MTREX: variants seen among roughly 807,000 people sequenced by gnomAD.
MTREX encodes Mtr4 exosome RNA helicase.
Under a neutral mutation model 135.4 loss-of-function variants are expected in MTREX, and 76 were observed. That is an observed-to-expected ratio of 0.56 (90% CI 0.47 to 0.68). The LOEUF is 0.68. MTREX is among the 30% of genes least tolerant of loss of function. The probability of loss-of-function intolerance (pLI) is 0.00; values close to 1 mark genes in which losing one functional copy is unlikely to be tolerated. For missense variants in MTREX, 920 were observed against 1,262.1 expected (o/e 0.73, Z 4.11); for synonymous variants, 404 against 401.6 (o/e 1.01, Z -0.07).
At chr5:55,403,952 G>A (rs1396255741) in intron 21 of MTREX, among the ~76,000 whole-genome samples, 3 of 152,108 alleles carry the variant, frequency 2.0e-5, no homozygotes, top group African/African-American at 4.8e-5. Context: ...TCACTCAGTA[G>A]CTCTGTATTC....
In MTREX at chr5:55,425,063, A is replaced by C; in HGVS notation, c.*291A>C. The C allele has an allele frequency of 8.8e-7, 1 of 1,141,496 alleles. No individual in the cohort carries two copies. Among genetic ancestry groups the C allele is most frequent in the Non-Finnish European group, 1.2e-6 (1 of 805,742 alleles). 70.7% of individuals were successfully genotyped at this position (1,141,496 alleles called of 1,614,324 possible). A position where few individuals can be genotyped will look rare whatever the true frequency, so the allele number is the denominator to read the frequency against. ...CTGAGTTAAAGGTAACTATGTACAC[A>C]CAAAGTGTGCATCCAAGAGGCATAG... On this transcript the variant is annotated 3_prime_UTR_variant, in exon 27 of 27. Transcript: ENST00000230640.
rs138013455 is a variant in MTREX, at chr5:55,309,867, T to C, written c.134+1720T>C. Among the ~76,000 whole-genome samples, 808 of 152,276 alleles carry C rather than the reference T, an allele frequency of 5.3e-3. 6 individuals carry two copies. Among genetic ancestry groups the C allele is most frequent in the Non-Finnish European group, 7.9e-3 (540 of 68,014 alleles). The stretch of plus-strand genomic sequence containing the variant: ...AGATTAGAGGGATAAGAGAAAATTC[T>C]ATCAGGAGTGCGAAATGAGTGGAAC... On this transcript the variant is annotated intron_variant, in intron 1 of 26. Coordinates refer to ENST00000230640, the MANE Select transcript of MTREX (RefSeq NM_015360.5).
In MTREX at chr5:55,338,394, T is replaced by C. The variant is rs114004622; in HGVS notation, c.516-1616T>C. Among the ~76,000 whole-genome samples, 962 of 152,266 alleles carry C rather than the reference T, an allele frequency of 6.3e-3. 15 individuals carry two copies. Among genetic ancestry groups the C allele is most frequent in the African/African-American group, 0.021 (856 of 41,564 alleles). ...CAGCCTTAATTATGTTGTTCTCTTA[T>C]GTATTGAGTTTTTCTGTTGTGGTTT... is the stretch of plus-strand genomic sequence containing the variant. On this transcript the variant is annotated intron_variant, in intron 5 of 26. Coordinates refer to ENST00000230640, the MANE Select transcript of MTREX (RefSeq NM_015360.5).
chr5:55,341,626 CTATT>C, intron 6 of MTREX, 51 bp from the exon 7 acceptor site: 1 of 892,026 alleles, frequency 1.1e-6, no homozygotes, highest in Non-Finnish European at 1.7e-6. Context: ...TTTTCTCTAA[CTATT>C]AGCTGTTATG....
At chr5:55,308,270 G>A (rs967818209) in intron 1 of MTREX, 123 bp downstream of exon 1, 10 of 1,223,970 alleles carry the variant, frequency 8.2e-6, no homozygotes, top group South Asian at 6.9e-5. Context: ...GAAGTGAAGG[G>A]GTTCCAGAAA....
intron 1 of MTREX, among the ~76,000 whole-genome samples, chr5:55,308,751 C>A (rs938336472): frequency 1.4e-4 from 22 of 152,128 alleles, no homozygotes; most frequent in African/African-American, 5.3e-4. Context: ...TGGACCCTAC[C>A]CATATGTTTA....
At chr5:55,392,787 C>T (rs1750591294) in intron 19 of MTREX, among the ~76,000 whole-genome samples, 1 of 152,134 alleles carries the variant, frequency 6.6e-6, no homozygotes, top group Non-Finnish European at 1.5e-5. Flanking sequence ...TTCTAATTCC[C>T]CATGAATGTC....
At chr5:55,344,487 TA>T in intron 8 of MTREX, 34 bp from the exon 9 acceptor site, 1 of 1,391,792 alleles carries the variant, frequency 7.2e-7, no homozygotes, top group Non-Finnish European at 1.0e-6. Flanking sequence ...TTTGAGGAAA[TA>T]AAATTTTGTA....
In MTREX at chr5:55,343,405, A is replaced by G. The variant is rs777746852; in HGVS notation, c.856A>G (p.Ile286Val). ...CCACTATGTCTTTCTTTCGGCTACT[A>G]TTCCAAATGCCCGACAGTTTGCTGA... ...NVHYVFLSATIPNARQFAEWI... is the reference protein window; with the variant it reads ...NVHYVFLSATVPNARQFAEWI... The change falls in exon 8 of 27, where the codon ATT becomes GTT. Residue 286 changes from isoleucine to valine, a missense_variant. This residue lies in a region of MTREX where 88 missense variants were observed against 202.5 expected (regional missense o/e 0.43). Transcript: ENST00000230640. 1.3e-5 allele frequency: 21 copies of G among 1,613,544 alleles called. No individual in the cohort carries two copies. Among genetic ancestry groups the G allele is most frequent in the Non-Finnish European group, 1.4e-5 (17 of 1,179,752 alleles).
At chr5:55,399,402 G>C (rs1376996013) in intron 20 of MTREX, among the ~76,000 whole-genome samples, 1 of 152,146 alleles carries the variant, frequency 6.6e-6, no homozygotes, top group East Asian at 1.9e-4. Context: ...ACAGTGAGCT[G>C]TTTCTTCTCT....
chr5:55,309,306 G>GC (rs1177744808), intron 1 of MTREX, among the ~76,000 whole-genome samples: 2 of 152,176 alleles, frequency 1.3e-5, no homozygotes, highest in Admixed American at 6.5e-5. Flanking sequence ...AAACCCTGTT[G>GC]AACAAGGTGA....
At position 55,415,542 on chromosome 5, in the gene MTREX, A is replaced by G. The variant is rs371590823; in HGVS notation, c.2809-428A>G. Among the ~76,000 whole-genome samples, 11 of 152,206 alleles carry G rather than the reference A, an allele frequency of 7.2e-5. No homozygotes were observed. In the East Asian group the frequency reaches 9.6e-4, roughly 13 times the overall value. ...AAGTAAAGAAGAATGAAGTTTCTCAACTTAGAGGAAAACAATATGAAGATA... is the reference window on the plus strand; with the variant it reads ...AAGTAAAGAAGAATGAAGTTTCTCAGCTTAGAGGAAAACAATATGAAGATA... On this transcript the variant is annotated intron_variant, in intron 24 of 26. Coordinates refer to ENST00000230640, the MANE Select transcript of MTREX (RefSeq NM_015360.5).
chr5:55,309,301 C>T (rs990011281), intron 1 of MTREX, among the ~76,000 whole-genome samples: 2 of 152,088 alleles, frequency 1.3e-5, no homozygotes, highest in Non-Finnish European at 2.9e-5. Context: ...TTTTAAAACC[C>T]TGTTGAACAA....
intron 6 of MTREX, among the ~76,000 whole-genome samples, chr5:55,340,577 TTTTA>T (rs949421882): frequency 3.9e-5 from 6 of 152,136 alleles, no homozygotes; most frequent in Admixed American, 1.3e-4. Flanking sequence ...AGTAACTGAT[TTTTA>T]TTTATTTATT....
At chr5:55,378,264 TTAAA>T (rs1401425329) in intron 16 of MTREX, 46 bp from the exon 17 acceptor site, 1 of 1,503,352 alleles carries the variant, frequency 6.7e-7, no homozygotes, top group Non-Finnish European at 8.8e-7. Context: ...TGGGTATAAT[TTAAA>T]TAAGATGTAT....
intron 15 of MTREX, among the ~76,000 whole-genome samples, chr5:55,363,100 A>G (rs941155132): frequency 6.6e-6 from 1 of 152,204 alleles, no homozygotes; most frequent in African/African-American, 2.4e-5. Flanking sequence ...TGAAGGAAAA[A>G]TAATTTTGAC....
chr5:55,338,019 C>G (rs887697339), intron 5 of MTREX, among the ~76,000 whole-genome samples: 6 of 152,038 alleles, frequency 3.9e-5, no homozygotes, highest in African/African-American at 1.2e-4. Context: ...CTATTTAATA[C>G]TGTCATATAT....
intron 14 of MTREX, among the ~76,000 whole-genome samples, chr5:55,354,531 G>C (rs1436730228): frequency 6.6e-6 from 1 of 152,154 alleles, no homozygotes; most frequent in African/African-American, 2.4e-5. Flanking sequence ...AAGTACCCTC[G>C]CTGAAACTGT....
In MTREX at chr5:55,351,019, G is replaced by T; in HGVS notation, c.1421G>T (p.Gly474Val). 6.2e-7 allele frequency: 1 copy of T among 1,601,890 alleles called. No individual in the cohort carries two copies. ...ACTATAGAAATTCTCTTTTCTGAAG[G>T]ATTGATAAAGGTATGGTTTTATTTT... ...KETIEILFSE[G>V]LIKALFATET... Residue 474 changes from glycine to valine, a missense_variant, in exon 13 of 27, where the codon GGA becomes GTA. Gly to Val is a moderately radical substitution (Grantham distance 109, BLOSUM62 -3). Around this residue, in one of 6 missense-constraint regions of MTREX, gnomAD observed 46 missense variants for 116.8 expected, o/e 0.39. Transcript: ENST00000230640.
Sources: gnomAD v4.1 joint callset for allele counts (sites outside exome capture counted in the v4.1 genomes callset) on GRCh38, gnomAD v4.1.1 for gene constraint, gnomAD v4.1.1 regional missense constraint, MANE v1.5 for transcripts, NCBI Gene and HGNC (gene_info 2026-07-23, HGNC 2026-07-21) for gene names.